AKT3: variants seen among roughly 807,000 people sequenced by gnomAD.
AKT3 encodes the protein RAC-gamma serine/threonine-protein kinase.
AKT3 carries 15 observed loss-of-function variants against 65.3 expected under a neutral mutation model. The ratio of observed to expected loss-of-function variants is 0.23; its 90% confidence interval spans 0.15 to 0.35. The LOEUF is 0.35. AKT3 is among the 10% of genes least tolerant of loss of function. The pLI, the probability that AKT3 is intolerant of heterozygous loss-of-function variation, is 1.00. For synonymous variants in AKT3, 206 were observed against 183.8 expected (o/e 1.12, Z -0.98); for missense variants, 243 against 576.5 (o/e 0.42, Z 5.92).
chr1:243,776,051 C>A (rs1366602117), intron 2 of AKT3, among the ~76,000 whole-genome samples: 2 of 152,190 alleles, frequency 1.3e-5, no homozygotes, highest in South Asian at 2.1e-4. Context: ...TCTACTGATA[C>A]AGTGAAGGAA....
At chr1:243,563,131 G>A (rs1169089012) in intron 10 of AKT3, among the ~76,000 whole-genome samples, 1 of 152,122 alleles carries the variant, frequency 6.6e-6, no homozygotes. Context: ...TGTTGTGCCT[G>A]TAACCACATC....
intron 2 of AKT3, among the ~76,000 whole-genome samples, chr1:243,769,281 A>G (rs919630237): frequency 2.6e-5 from 4 of 152,198 alleles, no homozygotes; most frequent in Admixed American, 1.3e-4. Flanking sequence ...ACATTCACAT[A>G]CAAGTTTTGT....
intron 2 of AKT3, among the ~76,000 whole-genome samples, chr1:243,823,012 T>C (rs1263904512): frequency 6.6e-6 from 1 of 152,174 alleles, no homozygotes; most frequent in Non-Finnish European, 1.5e-5. Context: ...CTGATGAACA[T>C]TAATGCAAAA....
intron 2 of AKT3, among the ~76,000 whole-genome samples, chr1:243,770,266 G>A (rs897960): frequency 0.83 from 126,297 of 152,074 alleles, 52,609 homozygotes; most frequent in Non-Finnish European, 0.86. Flanking sequence ...TCCATCAATA[G>A]TAAAATGATA....
chr1:243,534,196 A>G (rs1467468594), intron 12 of AKT3, among the ~76,000 whole-genome samples: 1 of 152,206 alleles, frequency 6.6e-6, no homozygotes, highest in Non-Finnish European at 1.5e-5. Flanking sequence ...TGGAAAAAAG[A>G]TAGGCATGCT....
At chr1:243,710,628 C>T (rs770035276) in intron 2 of AKT3, among the ~76,000 whole-genome samples, 17 of 152,042 alleles carry the variant, frequency 1.1e-4, no homozygotes, top group Non-Finnish European at 2.1e-4. Context: ...CGTGGAATGC[C>T]GGATGAAAAC....
Position 243,501,891 on chromosome 1 carries a change from A to G in AKT3, c.*3358T>C, listed in dbSNP as rs1046705239. The G allele has an allele frequency of 8.6e-6, 2 of 232,648 alleles. No homozygotes were observed. The highest frequency in any genetic ancestry group is 4.4e-5 in the African/African-American group (2 of 45,346). 14.4% of individuals were successfully genotyped at this position (232,648 alleles called of 1,614,324 possible). A position where few individuals can be genotyped will look rare whatever the true frequency, so the allele number is the denominator to read the frequency against. ...AAACAGTTTCTCCTAGTTATTCCAC[A>G]TCCTTGTGGGTCATATACTTCAGGA... On this transcript the variant is annotated 3_prime_UTR_variant, in exon 14 of 14. Transcript: ENST00000673466.
At chr1:243,511,329 C>T (rs1241517200) in intron 13 of AKT3, among the ~76,000 whole-genome samples, 1 of 152,066 alleles carries the variant, frequency 6.6e-6, no homozygotes, top group African/African-American at 2.4e-5. Context: ...GACCATGGTC[C>T]CAAGATTAAG....
chr1:243,668,385 A>G (rs911113795), intron 3 of AKT3, among the ~76,000 whole-genome samples: 2 of 152,206 alleles, frequency 1.3e-5, no homozygotes, highest in Non-Finnish European at 2.9e-5. Context: ...CCCAAATGCA[A>G]TTAGGAGTAC....
intron 13 of AKT3, among the ~76,000 whole-genome samples, chr1:243,493,898 G>A (rs1189583070): frequency 6.6e-6 from 1 of 151,902 alleles, no homozygotes; most frequent in East Asian, 1.9e-4. Context: ...GAGAAGGGAG[G>A]TTCTAGAAAA....
At position 243,619,723 on chromosome 1, in the gene AKT3, G is replaced by A. The variant is rs919293230; in HGVS notation, c.562-4562C>T. ...TAATATTCCACTCTGTACATATATC[G>A]CATTTATCCTTTCATTCATTGATGG... On this transcript the variant is annotated intron_variant, in intron 6 of 13. Coordinates refer to ENST00000673466, the MANE Select transcript of AKT3 (RefSeq NM_005465.7). 5.1e-5 allele frequency among the ~76,000 whole-genome samples: 5 copies of A among 98,610 alleles called. 1 individual carries two copies. Among genetic ancestry groups the A allele is most frequent in the Admixed American group, 1.1e-4 (1 of 8,822 alleles). 64.7% of individuals were successfully genotyped at this position (98,610 alleles called of 152,430 possible).
Position 243,814,468 on chromosome 1 carries a change from A to G in AKT3, c.46+28657T>C, listed in dbSNP as rs533257632. 340 of 152,340 alleles carry G rather than the reference A, an allele frequency of 2.2e-3. 1 individual carries two copies. The highest frequency in any genetic ancestry group is 7.9e-3 in the African/African-American group (328 of 41,584). The allele number at this position is 152,340 out of a possible 1,614,324, so 9.4% of individuals were successfully genotyped here. A position where few individuals can be genotyped will look rare whatever the true frequency, so the allele number is the denominator to read the frequency against. ...ACATATAAAATTTTGTAGTTCCTAG[A>G]AATAATTATTGGTCAGAAAACTCTT... On this transcript the variant is annotated intron_variant, in intron 2 of 13. Transcript: ENST00000673466.
chr1:243,595,404 GA>G (rs1338861248), intron 8 of AKT3, among the ~76,000 whole-genome samples: 1 of 152,140 alleles, frequency 6.6e-6, no homozygotes, highest in African/African-American at 2.4e-5. Flanking sequence ...TGTAGACTAT[GA>G]ACACTGTATA....
upstream of AKT3, chr1:243,851,009 C>T (rs1025631140): frequency 6.6e-6 from 1 of 152,176 alleles, no homozygotes; most frequent in African/African-American, 2.4e-5. Flanking sequence ...CAGTCCGCCG[C>T]GGCCCCTTGG....
chr1:243,506,229 T>A (rs1489186409), intron 13 of AKT3, among the ~76,000 whole-genome samples: 3 of 152,216 alleles, frequency 2.0e-5, no homozygotes, highest in Non-Finnish European at 4.4e-5. Flanking sequence ...GGCCTCACAG[T>A]CTCCTGGGGG....
chr1:243,507,807 T>C (rs1326747796), intron 13 of AKT3, among the ~76,000 whole-genome samples: 2 of 152,154 alleles, frequency 1.3e-5, no homozygotes, highest in Non-Finnish European at 2.9e-5. Context: ...CGACCAGATC[T>C]CAAAGAAACC....
At chr1:243,661,363 T>C (rs1053814559) in intron 4 of AKT3, among the ~76,000 whole-genome samples, 22 of 152,068 alleles carry the variant, frequency 1.4e-4, no homozygotes, top group African/African-American at 5.1e-4. Context: ...AACAGAGATA[T>C]AGATCAATGG....
chr1:243,526,843 C>T (rs963017538), intron 12 of AKT3, among the ~76,000 whole-genome samples: 5 of 93,594 alleles, frequency 5.3e-5, no homozygotes, highest in Admixed American at 1.1e-4. Context: ...TTATTCCAGA[C>T]GAAAACATGG....
chr1:243,596,442 A>G (rs1379345281), intron 8 of AKT3, among the ~76,000 whole-genome samples: 1 of 152,210 alleles, frequency 6.6e-6, no homozygotes, highest in East Asian at 1.9e-4. Flanking sequence ...TTGAATAGAC[A>G]GGTCACAAAA....
Sources: allele counts gnomAD v4.1 joint callset (sites outside exome capture counted in the v4.1 genomes callset), GRCh38; gene constraint gnomAD v4.1.1; transcripts MANE v1.5; gene names NCBI Gene and HGNC (gene_info 2026-07-23, HGNC 2026-07-21).